Variants in NSD1 observed in about 807,000 individuals in gnomAD.
NSD1 encodes the protein histone-lysine N-methyltransferase, H3 lysine-36 specific.
A neutral mutation model predicts 242.7 loss-of-function variants in NSD1; 26 were observed. The ratio of observed to expected loss-of-function variants is 0.11; its 90% confidence interval spans 0.08 to 0.15. The LOEUF is 0.15. Ranked by LOEUF, NSD1 falls within the 10% of genes least tolerant of loss-of-function variation. NSD1 has a pLI of 1.00. For missense variants in NSD1, 2,495 were observed against 3,272.8 expected (o/e 0.76, Z 5.80); for synonymous variants, 1,106 against 1,178.1 (o/e 0.94, Z 1.25).
intron 14 of NSD1, chr5:177,264,758 T>A: frequency 1.4e-6 from 1 of 731,504 alleles, no homozygotes; most frequent in Middle Eastern, 2.9e-4. Flanking sequence ...TTCCTGTAAT[T>A]CGCCAAAATG....
chr5:177,246,291 T>C (rs900084721), intron 9 of NSD1, among the ~76,000 whole-genome samples: 1 of 152,158 alleles, frequency 6.6e-6, no homozygotes, highest in African/African-American at 2.4e-5. Context: ...AATCATATAG[T>C]GATTTGTATT....
chr5:177,252,554 T>G (rs1451636543), intron 12 of NSD1, among the ~76,000 whole-genome samples: 1 of 135,874 alleles, frequency 7.4e-6, no homozygotes, highest in African/African-American at 2.8e-5. Context: ...TTTTTTTTTT[T>G]TTTTTTTTTT....
intron 16 of NSD1, among the ~76,000 whole-genome samples, chr5:177,272,062 T>A (rs1757984835): frequency 6.6e-6 from 1 of 152,074 alleles, no homozygotes; most frequent in Non-Finnish European, 1.5e-5. Flanking sequence ...AGGCAGAGGC[T>A]AATGCCACTG....
chr5:177,240,496 A>G (rs1765770036), intron 8 of NSD1, among the ~76,000 whole-genome samples: 1 of 151,866 alleles, frequency 6.6e-6, no homozygotes, highest in African/African-American at 2.4e-5. Flanking sequence ...GGCGGATCAC[A>G]AGGTCAGGAT....
At chr5:177,174,248 G>A (rs963483178) in intron 2 of NSD1, among the ~76,000 whole-genome samples, 30 of 152,126 alleles carry the variant, frequency 2.0e-4, no homozygotes, top group African/African-American at 6.3e-4. Context: ...CAGCTACTTG[G>A]GATGCTGAGG....
Position 177,135,398 on chromosome 5 carries a change from G to C in NSD1, c.295G>C (p.Asp99His), listed in dbSNP as rs2149755736. The C allele has an allele frequency of 6.2e-7, 1 of 1,613,532 alleles. No homozygotes were observed. The highest frequency in any genetic ancestry group is 8.5e-7 in the Non-Finnish European group (1 of 1,179,724). Residue 99 changes from aspartate (D) to histidine (H), a missense_variant, in exon 2 of 23, where the codon GAC (aspartate) becomes CAC (histidine). This residue lies in a region of NSD1 where 376 missense variants were observed against 367.4 expected (regional missense o/e 1.02). Coordinates refer to ENST00000439151, the MANE Select transcript of NSD1 (RefSeq NM_022455.5). ...GSADGSESFQDPEKSDSRAQT... is the reference protein window; with the variant it reads ...GSADGSESFQHPEKSDSRAQT... ...TGCTGATGGATCAGAATCCTTTCAA[G>C]ACCCTGAAAAAAGTGATTCAAGAGC...
At chr5:177,265,898 A>C (rs532010112) in intron 14 of NSD1, 2 of 1,471,422 alleles carry the variant, frequency 1.4e-6, no homozygotes, top group East Asian at 4.5e-5. Context: ...GGTGAAGGTC[A>C]GGTCTTCCAC....
At chr5:177,279,416 A>G (rs541240293) in intron 17 of NSD1, among the ~76,000 whole-genome samples, 2 of 152,006 alleles carry the variant, frequency 1.3e-5, no homozygotes, top group South Asian at 4.2e-4. Flanking sequence ...TAGAATGGCT[A>G]GAACCCAGGA....
At position 177,294,952 on chromosome 5, in the gene NSD1, A is replaced by T; in HGVS notation, c.7584A>T (p.Gln2528His). Residue 2528 changes from glutamine (Q) to histidine (H), a missense_variant, in exon 23 of 23, where the codon CAA becomes CAT. Gln to His is a conservative substitution (Grantham distance 24). Transcript: ENST00000439151. ...CAGCCCCTTCAGAGGACCCCTGGCA[A>T]GCTGTTAAATCACTCACCCAGGCCA... Reference protein sequence around the residue: ...KAAAPSEDPWQAVKSLTQARL... With the variant: ...KAAAPSEDPWHAVKSLTQARL... 3 of 1,614,230 alleles carry T rather than the reference A, an allele frequency of 1.9e-6. No individual in the cohort carries two copies. The highest frequency in any genetic ancestry group is 2.5e-6 in the Non-Finnish European group (3 of 1,180,032).
intron 20 of NSD1, among the ~76,000 whole-genome samples, chr5:177,284,274 T>G (rs1307737443): frequency 1.3e-5 from 2 of 152,186 alleles, no homozygotes; most frequent in Admixed American, 1.3e-4. Context: ...ATTTCATTCA[T>G]TCATTGATTC....
intron 2 of NSD1, among the ~76,000 whole-genome samples, chr5:177,141,797 A>G (rs1185082684): frequency 6.6e-6 from 1 of 151,724 alleles, no homozygotes; most frequent in Non-Finnish European, 1.5e-5. Context: ...CTGCTCCTCT[A>G]CCTTGTGTTA....
In NSD1 at chr5:177,210,821, G is replaced by A. The variant is rs1763280240; in HGVS notation, c.2422G>A (p.Glu808Lys). ...TATGGCAGAACCCCCAGTTATAAAT[G>A]AGGAGTGCAGTTTGAAATGCTGCTC... ...PVMAEPPVIN[E>K]ECSLKCCSSD... is the part of the protein sequence containing the mutation. The change falls in exon 5 of 23, where the codon GAG (glutamate) becomes AAG (lysine). Residue 808 changes from glutamate (E) to lysine (K), a missense_variant. By Grantham distance (56) the Glu-to-Lys change is moderately conservative. This residue lies in a region of NSD1 where 515 missense variants were observed against 467.0 expected (regional missense o/e 1.10). Coordinates refer to ENST00000439151, the MANE Select transcript of NSD1 (RefSeq NM_022455.5). 2 of 1,614,056 alleles carry A rather than the reference G, an allele frequency of 1.2e-6. No homozygotes were observed. Among genetic ancestry groups the A allele is most frequent in the African/African-American group, 2.7e-5 (2 of 74,926 alleles).
intron 5 of NSD1, among the ~76,000 whole-genome samples, chr5:177,224,233 A>G (rs1764458478): frequency 1.3e-5 from 2 of 152,158 alleles, no homozygotes; most frequent in South Asian, 4.1e-4. Flanking sequence ...GATTGTGCTG[A>G]ATCTGTGGGG....
intron 5 of NSD1, among the ~76,000 whole-genome samples, chr5:177,224,279 G>T (rs1764462469): frequency 6.6e-6 from 1 of 152,060 alleles, no homozygotes; most frequent in Admixed American, 6.6e-5. Flanking sequence ...GCAATATTAA[G>T]TCTTCCAATC....
Position 177,211,666 on chromosome 5 carries a change from T to A in NSD1, c.3267T>A (p.Asp1089Glu), listed in dbSNP as rs1406037834. Residue 1089 changes from aspartate (D) to glutamate (E), a missense_variant, in exon 5 of 23, where the codon GAT (aspartate) becomes GAA (glutamate). This residue lies in a region of NSD1 where 426 missense variants were observed against 411.4 expected (regional missense o/e 1.04). Coordinates refer to ENST00000439151, the MANE Select transcript of NSD1 (RefSeq NM_022455.5). ...GGGCAGAAGATCCTAGTAAAGAGGATCCCCTTCAGATAATGGGCCACTTAA... is the reference window on the plus strand; with the variant it reads ...GGGCAGAAGATCCTAGTAAAGAGGAACCCCTTCAGATAATGGGCCACTTAA... ...RGGAEDPSKE[D>E]PLQIMGHLTS... 8 of 1,613,954 alleles carry A rather than the reference T, an allele frequency of 5.0e-6. No individual in the cohort carries two copies. In the Admixed American group the frequency reaches 5.0e-5, roughly 10 times the overall value.
intron 5 of NSD1, among the ~76,000 whole-genome samples, chr5:177,223,081 CTTT>C (rs559743026): frequency 7.3e-6 from 1 of 136,510 alleles, no homozygotes. Flanking sequence ...TTTTCTTTTT[CTTT>C]TTTTTTTTTT....
At position 177,184,815 on chromosome 5, in the gene NSD1, GC is replaced by G. The variant is rs1284703462; in HGVS notation, c.928-7067del. Among the ~76,000 whole-genome samples the G allele has an allele frequency of 5.9e-5, 9 of 152,218 alleles. No individual in the cohort carries two copies. The East Asian group carries it at 1.2e-3, about 20-fold the overall frequency. ...CTCCCAAAGTGCTAGGATTGTGCAG[GC>G]CTGAGCCACCACGCCTGGCCTTTTC... On this transcript the variant is annotated intron_variant, in intron 2 of 22. Transcript: ENST00000439151.
At chr5:177,154,693 TTTATTA>T (rs759533937) in intron 2 of NSD1, among the ~76,000 whole-genome samples, 3 of 151,896 alleles carry the variant, frequency 2.0e-5, no homozygotes, top group Non-Finnish European at 4.4e-5. Flanking sequence ...CCTTTTTAAT[TTTATTA>T]TTATTATTAT....
Position 177,280,848 on chromosome 5 carries a change from A to G in NSD1, c.5892+14A>G. 2 of 1,613,908 alleles carry G rather than the reference A, an allele frequency of 1.2e-6. No homozygotes were observed. Among genetic ancestry groups the G allele is most frequent in the Non-Finnish European group, 1.7e-6 (2 of 1,179,840 alleles). ...GATATTAAAAAGGTTAGAAAAAGCTAAATTACCATATACTTTCTCCTCTTT... is the reference window on the plus strand; with the variant it reads ...GATATTAAAAAGGTTAGAAAAAGCTGAATTACCATATACTTTCTCCTCTTT... On this transcript the variant is annotated intron_variant, in intron 18 of 22. Transcript: ENST00000439151.
Sources: gnomAD v4.1 joint callset for allele counts (sites outside exome capture counted in the v4.1 genomes callset) on GRCh38, gnomAD v4.1.1 for gene constraint, gnomAD v4.1.1 regional missense constraint, MANE v1.5 for transcripts, NCBI Gene and HGNC (gene_info 2026-07-23, HGNC 2026-07-21) for gene names.